DPY19L1: variants seen among roughly 807,000 people sequenced by gnomAD.
DPY19L1 encodes dpy-19 like C-mannosyltransferase 1, also known as protein C-mannosyl-transferase DPY19L1.
DPY19L1 carries 35 observed loss-of-function variants against 96.9 expected under a neutral mutation model. That is an observed-to-expected ratio of 0.36 (90% CI 0.28 to 0.48). The LOEUF is 0.48. Among genes scored for constraint, DPY19L1 ranks in the 20% least tolerant of loss-of-function variants. DPY19L1 has a pLI of 0.99. For synonymous variants in DPY19L1, 205 were observed against 252.6 expected (o/e 0.81, Z 1.79); for missense variants, 521 against 777.9 (o/e 0.67, Z 3.93).
chr7:35,028,619 T>G (rs1214673376), intron 1 of DPY19L1, among the ~76,000 whole-genome samples: 1 of 152,160 alleles, frequency 6.6e-6, no homozygotes, highest in African/African-American at 2.4e-5. Context: ...TCTTAGATCT[T>G]GCAAAAGAAA....
rs1274137733 is a variant in DPY19L1 at position 34,937,643 on chromosome 7, G to GT, written c.2090+350dup. 5.3e-5 allele frequency among the ~76,000 whole-genome samples: 8 copies of GT among 152,144 alleles called. No individual in the cohort carries two copies. In the East Asian group the frequency reaches 9.7e-4, roughly 18 times the overall value. ...AAGTCTCCAAATCATTATCTAAAAA[G>GT]TTTTTTCAGGCCAGGCGTGGTGACT... is the stretch of plus-strand genomic sequence containing the variant. On this transcript the variant is annotated intron_variant, in intron 21 of 21. Transcript: ENST00000638088.
chr7:34,933,958 T>C (rs1314266162), intron 21 of DPY19L1, among the ~76,000 whole-genome samples: 2 of 152,146 alleles, frequency 1.3e-5, no homozygotes, highest in Non-Finnish European at 1.5e-5. Context: ...ATTTCATATA[T>C]ACATCTATCC....
At chr7:35,024,999 A>G (rs1786088624) in intron 1 of DPY19L1, among the ~76,000 whole-genome samples, 1 of 152,254 alleles carries the variant, frequency 6.6e-6, no homozygotes, top group Non-Finnish European at 1.5e-5. Flanking sequence ...CTTAACACAT[A>G]AAGATACTTT....
At chr7:35,036,406 C>T (rs1157406699) in intron 1 of DPY19L1, among the ~76,000 whole-genome samples, 4 of 151,638 alleles carry the variant, frequency 2.6e-5, no homozygotes, top group Non-Finnish European at 5.9e-5. Flanking sequence ...ACGAATGCGT[C>T]AACTTTGTTT....
chr7:34,996,982 G>A (rs1785300975), intron 6 of DPY19L1, among the ~76,000 whole-genome samples: 1 of 152,084 alleles, frequency 6.6e-6, no homozygotes, highest in African/African-American at 2.4e-5. Flanking sequence ...GTGGAAGGAC[G>A]CCAGAGATAC....
Position 34,931,377 on chromosome 7 carries a change from A to G in DPY19L1, c.*196T>C. The G allele has an allele frequency of 1.5e-6, 1 of 684,584 alleles. No individual in the cohort carries two copies. The highest frequency in any genetic ancestry group is 2.1e-6 in the Non-Finnish European group (1 of 466,144). 42.4% of individuals were successfully genotyped at this position (684,584 alleles called of 1,614,324 possible). A position where few individuals can be genotyped will look rare whatever the true frequency, so the allele number is the denominator to read the frequency against. On this transcript the variant is annotated 3_prime_UTR_variant, in exon 22 of 22. Transcript: ENST00000638088. ...TTGCATAGCAAATTTTAAAGGGTGC[A>G]TTGAAATAGTAACCAATTGATAAAG...
intron 7 of DPY19L1, among the ~76,000 whole-genome samples, chr7:34,983,855 C>T (rs1255583383): frequency 6.6e-6 from 1 of 152,022 alleles, no homozygotes; most frequent in Non-Finnish European, 1.5e-5. Flanking sequence ...AAAATAAAAA[C>T]CAACCCAGAA....
At chr7:35,009,982 C>T (rs1034152090) in intron 6 of DPY19L1, among the ~76,000 whole-genome samples, 1 of 152,114 alleles carries the variant, frequency 6.6e-6, no homozygotes, top group Non-Finnish European at 1.5e-5. Context: ...GTAATCCCAG[C>T]ACTTTGGAAG....
intron 16 of DPY19L1, among the ~76,000 whole-genome samples, 160 bp downstream of exon 16, chr7:34,945,507 T>C (rs996818455): frequency 6.6e-6 from 1 of 152,084 alleles, no homozygotes; most frequent in African/African-American, 2.4e-5. Context: ...TCTGCACAGA[T>C]AGGAAATAAG....
At chr7:35,035,970 A>C (rs1786387625) in intron 1 of DPY19L1, among the ~76,000 whole-genome samples, 1 of 152,086 alleles carries the variant, frequency 6.6e-6, no homozygotes, top group South Asian at 2.1e-4. Context: ...AAAGAAAAAC[A>C]AACTTGGTTT....
At chr7:34,973,817 A>C (rs3752695) in intron 7 of DPY19L1, among the ~76,000 whole-genome samples, 29,810 of 149,246 alleles carry the variant, frequency 0.2, 3,294 homozygotes, top group Admixed American at 0.36. Context: ...CATGTAAAGC[A>C]TTAATATCAT....
At chr7:34,933,956 T>G (rs551830194) in intron 21 of DPY19L1, among the ~76,000 whole-genome samples, 10 of 152,252 alleles carry the variant, frequency 6.6e-5, no homozygotes, top group African/African-American at 2.4e-4. Flanking sequence ...CCATTTCATA[T>G]ATACATCTAT....
chr7:35,023,471 G>A (rs1301432575), intron 1 of DPY19L1, among the ~76,000 whole-genome samples: 1 of 152,162 alleles, frequency 6.6e-6, no homozygotes, highest in Non-Finnish European at 1.5e-5. Flanking sequence ...GTGTGTTTCT[G>A]ACCACAAATC....
rs541879792 is a variant in DPY19L1, at chr7:34,992,789, T to C, written c.765-2848A>G. Reference sequence around the variant, plus strand: ...TCAGACTATAGAAAACCCATCATTATTATACTCTCTGTAAAAAAAAAAAAT... The same window carrying C: ...TCAGACTATAGAAAACCCATCATTACTATACTCTCTGTAAAAAAAAAAAAT... On this transcript the variant is annotated intron_variant, in intron 6 of 21. Coordinates refer to ENST00000638088, the MANE Select transcript of DPY19L1 (RefSeq NM_001366673.1). Among the ~76,000 whole-genome samples the C allele has an allele frequency of 2.6e-5, 4 of 152,122 alleles. No homozygotes were observed. The South Asian group carries it at 8.3e-4, about 32-fold the overall frequency.
intron 1 of DPY19L1, 85 bp from the exon 2 acceptor site, chr7:35,018,681 C>A: frequency 8.1e-7 from 1 of 1,229,828 alleles, no homozygotes; most frequent in South Asian, 1.3e-5. Context: ...TAAAGCATGT[C>A]AAATATTGAA....
At chr7:35,006,249 T>C (rs1785553342) in intron 6 of DPY19L1, among the ~76,000 whole-genome samples, 1 of 152,132 alleles carries the variant, frequency 6.6e-6, no homozygotes, top group Admixed American at 6.5e-5. Context: ...CACTATCCAA[T>C]CTATTCTTCC....
chr7:34,964,478 A>T (rs1213995833), intron 10 of DPY19L1, among the ~76,000 whole-genome samples: 2 of 152,210 alleles, frequency 1.3e-5, no homozygotes, highest in African/African-American at 2.4e-5. Context: ...ATTCATGAAC[A>T]AGGATGTAAA....
At chr7:34,987,106 C>T (rs1785066105) in intron 7 of DPY19L1, among the ~76,000 whole-genome samples, 2 of 152,084 alleles carry the variant, frequency 1.3e-5, no homozygotes, top group South Asian at 2.1e-4. Context: ...CATTCATGTG[C>T]TTTTCTATCA....
intron 6 of DPY19L1, among the ~76,000 whole-genome samples, chr7:34,997,502 C>G (rs536703793): frequency 6.9e-6 from 1 of 145,242 alleles, no homozygotes; most frequent in Non-Finnish European, 1.5e-5. Flanking sequence ...CCCAGCTACT[C>G]GGGAGGCTGA....
Sources: allele counts gnomAD v4.1 joint callset (sites outside exome capture counted in the v4.1 genomes callset), GRCh38; gene constraint gnomAD v4.1.1; transcripts MANE v1.5; gene names NCBI Gene and HGNC (gene_info 2026-07-23, HGNC 2026-07-21).